CNTFR: variants seen among roughly 807,000 people sequenced by gnomAD.
CNTFR encodes the protein ciliary neurotrophic factor receptor.
Under a neutral mutation model 40.4 loss-of-function variants are expected in CNTFR, and 12 were observed. That is an observed-to-expected ratio of 0.30 (90% CI 0.19 to 0.48). CNTFR has a LOEUF of 0.48. Among genes scored for constraint, CNTFR ranks in the 20% least tolerant of loss-of-function variants. The pLI is 0.99. For synonymous variants in CNTFR, 202 were observed against 209.6 expected (o/e 0.96, Z 0.31); for missense variants, 414 against 506.8 (o/e 0.82, Z 1.76).
Position 34,552,525 on chromosome 9 carries a change from C to A in CNTFR, c.949+149G>T, listed in dbSNP as rs927346640. ...ACCAAGGATGTCCAGATAGCAAGGA[C>A]CAGGAATGGCAGGAGTTGGACAGAC... On this transcript the variant is annotated intron_variant, in intron 8 of 9. Coordinates refer to ENST00000378980, the MANE Select transcript of CNTFR (RefSeq NM_147164.3). This position sits in a 1 kb window ranked among gnomAD's most constrained non-coding sequence, Gnocchi z 5.1. 29 of 1,028,342 alleles carry A rather than the reference C, an allele frequency of 2.8e-5. 1 individual carries two copies. The South Asian group carries it at 4.8e-4, about 17-fold the overall frequency. 63.7% of individuals were successfully genotyped at this position (1,028,342 alleles called of 1,614,324 possible).
Position 34,552,428 on chromosome 9 carries a change from G to A in CNTFR, c.950-99C>T. ...ACCATTCTGCTTCCTGCATCAGACTGGTACTGCCTCCCCCATCAGGCAGAT... is the reference window on the plus strand; with the variant it reads ...ACCATTCTGCTTCCTGCATCAGACTAGTACTGCCTCCCCCATCAGGCAGAT... On this transcript the variant is annotated intron_variant, in intron 8 of 9. Coordinates refer to ENST00000378980, the MANE Select transcript of CNTFR (RefSeq NM_147164.3). This position sits in a 1 kb window ranked among gnomAD's most constrained non-coding sequence, Gnocchi z 5.1. 2 of 1,292,472 alleles carry A rather than the reference G, an allele frequency of 1.5e-6. No individual in the cohort carries two copies. Among genetic ancestry groups the A allele is most frequent in the Middle Eastern group, 2.7e-4 (1 of 3,684 alleles). 80.1% of individuals were successfully genotyped at this position (1,292,472 alleles called of 1,614,324 possible).
intron 3 of CNTFR, among the ~76,000 whole-genome samples, chr9:34,567,155 G>A (rs1237412610): frequency 7.3e-6 from 1 of 136,276 alleles, no homozygotes; most frequent in Non-Finnish European, 1.6e-5. Flanking sequence ...GTCCATTTCA[G>A]AAATTAAATC....
chr9:34,578,103 G>T (rs1827082995), intron 2 of CNTFR, among the ~76,000 whole-genome samples: 1 of 151,898 alleles, frequency 6.6e-6, no homozygotes, highest in South Asian at 2.1e-4. Flanking sequence ...CGGGGCTGGG[G>T]CCCGGGCAGC....
chr9:34,558,024 TCCCAGTCC>T, intron 4 of CNTFR, 40 bp from the exon 5 acceptor site: 1 of 1,429,540 alleles, frequency 7.0e-7, no homozygotes, highest in Non-Finnish European at 9.5e-7. Context: ...TTCTTGGAGC[TCCCAGTCC>T]CCTGCACTGT....
chr9:34,556,490 A>G, intron 6 of CNTFR, 72 bp from the exon 7 acceptor site: 1 of 1,449,508 alleles, frequency 6.9e-7, no homozygotes, highest in Non-Finnish European at 9.4e-7. Flanking sequence ...TCCAGCCACC[A>G]TGTTGACCCT....
Position 34,589,610 on chromosome 9 carries a change from G to C in CNTFR, c.-167C>G, listed in dbSNP as rs1340612191. 1 of 151,862 alleles carries C rather than the reference G, an allele frequency of 6.6e-6. No individual in the cohort carries two copies. The highest frequency in any genetic ancestry group is 1.5e-5 in the Non-Finnish European group (1 of 67,790). 9.4% of individuals were successfully genotyped at this position (151,862 alleles called of 1,614,324 possible). A position where few individuals can be genotyped will look rare whatever the true frequency, so the allele number is the denominator to read the frequency against. On this transcript the variant is annotated 5_prime_UTR_variant, in exon 1 of 10. Transcript: ENST00000378980. The surrounding 1 kb of genome is among the most constrained non-coding windows in gnomAD (Gnocchi z 4.4). ...GCGCCTTCCGACCGCCCCCGGCAGC[G>C]AGCGAGGCAGGGAGCGCGGAGCTAG...
chr9:34,552,705 C>T lies in CNTFR; in HGVS notation c.918G>A (p.Pro306=), dbSNP rs765856026. The part of the protein sequence containing the change: ...AAHATPWTEE[P]RHLTTEAQAA... ...CCTGGGCCTCCGTGGTGAGGTGTCGCGGTTCCTCAGTCCAGGGCGTAGCGT... is the reference window on the plus strand; with the variant it reads ...CCTGGGCCTCCGTGGTGAGGTGTCGTGGTTCCTCAGTCCAGGGCGTAGCGT... The change falls in exon 8 of 10, where the codon CCG becomes CCA. Residue 306 remains proline (P), a synonymous_variant. Transcript: ENST00000378980. The surrounding 1 kb of genome is among the most constrained non-coding windows in gnomAD (Gnocchi z 5.1). The T allele has an allele frequency of 2.1e-5, 34 of 1,613,560 alleles. No homozygotes were observed. The highest frequency in any genetic ancestry group is 6.7e-5 in the Admixed American group (4 of 59,982).
intron 4 of CNTFR, 71 bp downstream of exon 4, chr9:34,564,528 C>T (rs1207084116): frequency 7.2e-7 from 1 of 1,388,418 alleles, no homozygotes; most frequent in Non-Finnish European, 1.0e-6. Context: ...AGGAAGGGGA[C>T]TTGATCTGGG....
Position 34,552,529 on chromosome 9 carries a change from G to A in CNTFR, c.949+145C>T, listed in dbSNP as rs960132445. ...AGGATGTCCAGATAGCAAGGACCAG[G>A]AATGGCAGGAGTTGGACAGACAGGC... is the stretch of plus-strand genomic sequence containing the variant. On this transcript the variant is annotated intron_variant, in intron 8 of 9. Coordinates refer to ENST00000378980, the MANE Select transcript of CNTFR (RefSeq NM_147164.3). The surrounding 1 kb of genome is among the most constrained non-coding windows in gnomAD (Gnocchi z 5.1). 1 of 1,037,108 alleles carries A rather than the reference G, an allele frequency of 9.6e-7. No homozygotes were observed. Among genetic ancestry groups the A allele is most frequent in the Non-Finnish European group, 1.4e-6 (1 of 729,824 alleles). The allele number at this position is 1,037,108 out of a possible 1,614,324, so 64.2% of individuals were successfully genotyped here.
upstream of CNTFR, chr9:34,589,943 C>G (rs564699533): frequency 6.5e-6 from 1 of 152,766 alleles, no homozygotes; most frequent in East Asian, 1.9e-4. This position sits in a 1 kb window ranked among gnomAD's most constrained non-coding sequence, Gnocchi z 4.4. Flanking sequence ...TTGGCACGCT[C>G]TCGCTCCTGG....
At position 34,552,138 on chromosome 9, in the gene CNTFR, C is replaced by A; in HGVS notation, c.1118+23G>T. 6.3e-7 allele frequency: 1 copy of A among 1,592,014 alleles called. No individual in the cohort carries two copies. The highest frequency in any genetic ancestry group is 8.6e-7 in the Non-Finnish European group (1 of 1,169,452). On this transcript the variant is annotated intron_variant, in intron 9 of 9. Transcript: ENST00000378980. This position sits in a 1 kb window ranked among gnomAD's most constrained non-coding sequence, Gnocchi z 5.1. Reference sequence around the variant, plus strand: ...TGGGGGTTCCCTCAGGCTCCCTCTGCCACCCAGCCTCACTCAACCTACCAG... The same window carrying A: ...TGGGGGTTCCCTCAGGCTCCCTCTGACACCCAGCCTCACTCAACCTACCAG...
intron 2 of CNTFR, among the ~76,000 whole-genome samples, chr9:34,578,273 G>GAGCA (rs1189927927): frequency 2.0e-5 from 3 of 152,210 alleles, no homozygotes; most frequent in African/African-American, 7.2e-5. Flanking sequence ...GCAAGCGAAC[G>GAGCA]AGCAAGCGAG....
chr9:34,566,780 C>T (rs989842659), intron 3 of CNTFR, among the ~76,000 whole-genome samples: 5 of 152,132 alleles, frequency 3.3e-5, no homozygotes, highest in Non-Finnish European at 7.4e-5. Flanking sequence ...GGTACGGCCA[C>T]CACACGAGGA....
At chr9:34,559,002 TG>T (rs1825961196) in intron 4 of CNTFR, among the ~76,000 whole-genome samples, 1 of 152,226 alleles carries the variant, frequency 6.6e-6, no homozygotes, top group African/African-American at 2.4e-5. Context: ...CTCAGGTTCC[TG>T]GAAGGAGGCA....
intron 4 of CNTFR, among the ~76,000 whole-genome samples, chr9:34,560,068 T>C (rs1024248733): frequency 6.6e-6 from 1 of 152,166 alleles, no homozygotes; most frequent in African/African-American, 2.4e-5. Context: ...AGGGAAGGGC[T>C]TGGGTTTCCT....
chr9:34,567,055 C>T (rs1048669547), intron 3 of CNTFR, among the ~76,000 whole-genome samples: 1 of 152,184 alleles, frequency 6.6e-6, no homozygotes, highest in Admixed American at 6.5e-5. Flanking sequence ...ATACACGCAG[C>T]CATGCAACTG....
chr9:34,584,540 T>TA (rs1312923325), intron 1 of CNTFR, among the ~76,000 whole-genome samples: 1 of 152,186 alleles, frequency 6.6e-6, no homozygotes, highest in African/African-American at 2.4e-5. Flanking sequence ...CAGGCATTAA[T>TA]AACCAATACA....
At chr9:34,558,118 G>T in intron 4 of CNTFR, 134 bp from the exon 5 acceptor site, 1 of 593,926 alleles carries the variant, frequency 1.7e-6, no homozygotes, top group Middle Eastern at 5.0e-4. Context: ...TGGCGGGGAG[G>T]CTGTCAGCGA....
intron 1 of CNTFR, among the ~76,000 whole-genome samples, chr9:34,586,618 A>T (rs1827557560): frequency 6.6e-6 from 1 of 152,102 alleles, no homozygotes; most frequent in African/African-American, 2.4e-5. Flanking sequence ...GATGTCCAAA[A>T]CTATTCAAGG....
Sources: gnomAD v4.1 joint callset for allele counts (sites outside exome capture counted in the v4.1 genomes callset) on GRCh38, gnomAD v4.1.1 for gene constraint, Gnocchi (gnomAD v3.1) non-coding constraint, MANE v1.5 for transcripts, NCBI Gene and HGNC (gene_info 2026-07-23, HGNC 2026-07-21) for gene names.